The following MED27 variants were observed in gnomAD, a reference collection of about 807,000 sequenced individuals.
MED27 encodes the protein mediator complex subunit 27, also known as mediator of RNA polymerase II transcription subunit 27.
Under a neutral mutation model 38.2 loss-of-function variants are expected in MED27, and 30 were observed. The ratio of observed to expected loss-of-function variants is 0.79; its 90% CI spans 0.59 to 1.07. MED27 has a LOEUF of 1.07. Among genes scored for constraint, MED27 ranks in the 50% least tolerant of loss-of-function variants. MED27 has a pLI of 0.00. For missense variants in MED27, 289 were observed against 397.5 expected, an observed-to-expected ratio of 0.73 and a Z score of 2.32; for synonymous variants, 122 against 153.5, an observed-to-expected ratio of 0.79 and a Z score of 1.52.
chr9:132,064,326 G>A (rs193146971), intron 2 of MED27, among the ~76,000 whole-genome samples: 14 of 152,220 alleles, frequency 9.2e-5, no homozygotes, highest in Non-Finnish European at 1.3e-4. Context: ...ATCGGCCTTC[G>A]GGGATCTAGA....
chr9:131,939,900 CTTTTTTT>C (rs545565196), intron 3 of MED27, among the ~76,000 whole-genome samples: 3 of 136,170 alleles, frequency 2.2e-5, no homozygotes, highest in African/African-American at 5.4e-5. Flanking sequence ...AAATTCCTTC[CTTTTTTT>C]TTTTTTTTTT....
intron 6 of MED27, among the ~76,000 whole-genome samples, chr9:131,878,002 C>T (rs147066766): frequency 4.6e-5 from 7 of 152,170 alleles, no homozygotes; most frequent in East Asian, 3.9e-4. Flanking sequence ...AGGCCGGGCG[C>T]GGTGGCTCAT....
intron 2 of MED27, among the ~76,000 whole-genome samples, chr9:132,017,850 A>C (rs1832638215): frequency 6.6e-6 from 1 of 152,220 alleles, no homozygotes; most frequent in Non-Finnish European, 1.5e-5. Context: ...TACCTGAGAA[A>C]ATTTTAACAA....
chr9:131,971,719 G>A (rs1209012505), intron 3 of MED27, among the ~76,000 whole-genome samples: 4 of 152,108 alleles, frequency 2.6e-5, no homozygotes, highest in East Asian at 1.9e-4. Flanking sequence ...AGTGGGGGGC[G>A]GGGAGGTGAG....
At chr9:131,912,077 C>T (rs1483998644) in intron 4 of MED27, among the ~76,000 whole-genome samples, 1 of 152,196 alleles carries the variant, frequency 6.6e-6, no homozygotes. Flanking sequence ...GGAACTGAGA[C>T]TCTATATTAA....
At chr9:131,902,381 T>C (rs546553887) in intron 4 of MED27, among the ~76,000 whole-genome samples, 3 of 151,910 alleles carry the variant, frequency 2.0e-5, no homozygotes, top group African/African-American at 4.8e-5. Context: ...AACTGTAAAA[T>C]TGGATACAAC....
In MED27 at chr9:132,071,146, G is replaced by A. The variant is rs13300722; in HGVS notation, c.348+6296C>T. 3.2e-3 allele frequency among the ~76,000 whole-genome samples: 488 copies of A among 152,236 alleles called. 1 individual carries two copies. Among genetic ancestry groups the A allele is most frequent in the Non-Finnish European group, 5.0e-3 (341 of 68,016 alleles). ...TTTTGTCCTCATAACACCTTTCTGA[G>A]GTGGGTACAATTATCATTCCCATCT... On this transcript the variant is annotated intron_variant, in intron 2 of 7. Transcript: ENST00000292035.
At chr9:131,993,054 G>A (rs1247274161) in intron 3 of MED27, among the ~76,000 whole-genome samples, 2 of 152,166 alleles carry the variant, frequency 1.3e-5, no homozygotes, top group East Asian at 3.9e-4. Context: ...TCTCACTCCA[G>A]AACCTGTTTG....
At chr9:131,990,796 G>A (rs1428892091) in intron 3 of MED27, among the ~76,000 whole-genome samples, 4 of 152,178 alleles carry the variant, frequency 2.6e-5, no homozygotes, top group South Asian at 2.1e-4. Flanking sequence ...GGAGGACTGC[G>A]GCTCGCAATA....
intron 2 of MED27, among the ~76,000 whole-genome samples, chr9:132,064,145 C>G (rs760024192): frequency 2.6e-5 from 4 of 152,068 alleles, no homozygotes; most frequent in Non-Finnish European, 4.4e-5. Flanking sequence ...TGCAGAATAC[C>G]AAGTGTGACT....
At chr9:131,908,740 G>T (rs1022135484) in intron 4 of MED27, among the ~76,000 whole-genome samples, 3 of 152,058 alleles carry the variant, frequency 2.0e-5, no homozygotes, top group Non-Finnish European at 2.9e-5. Flanking sequence ...CAAACACTGC[G>T]GAAGGCCGCA....
At chr9:132,014,956 A>G (rs1589266975) in intron 2 of MED27, among the ~76,000 whole-genome samples, 1 of 152,198 alleles carries the variant, frequency 6.6e-6, no homozygotes. Flanking sequence ...GTAATTTTTT[A>G]ATAAGAAAAT....
chr9:131,926,932 T>C (rs937232083), intron 4 of MED27, among the ~76,000 whole-genome samples: 1 of 152,238 alleles, frequency 6.6e-6, no homozygotes, highest in Admixed American at 6.5e-5. Flanking sequence ...TTTCTTTTCT[T>C]ACATTTTTCT....
chr9:132,073,689 G>A, intron 2 of MED27: 2 of 1,516,208 alleles, frequency 1.3e-6, no homozygotes, highest in Non-Finnish European at 1.8e-6. Flanking sequence ...CAGGAGGGAG[G>A]AAATGTCTTC....
At chr9:131,891,935 G>C (rs1044871889) in intron 5 of MED27, among the ~76,000 whole-genome samples, 5 of 152,190 alleles carry the variant, frequency 3.3e-5, no homozygotes, top group Non-Finnish European at 1.5e-5. Context: ...AGACCGGCGG[G>C]ATGAAGGGAA....
chr9:132,058,409 A>C (rs1200231156), intron 2 of MED27, among the ~76,000 whole-genome samples: 3 of 152,162 alleles, frequency 2.0e-5, no homozygotes, highest in Admixed American at 6.5e-5. Flanking sequence ...TTCTCGTGAC[A>C]GCGAGTTCAT....
intron 2 of MED27, among the ~76,000 whole-genome samples, chr9:132,039,000 T>C (rs1337982699): frequency 6.6e-6 from 1 of 152,182 alleles, no homozygotes; most frequent in African/African-American, 2.4e-5. Context: ...GACAAGAACA[T>C]GGAGGTCAAC....
intron 3 of MED27, among the ~76,000 whole-genome samples, chr9:131,980,850 C>T (rs1344571780): frequency 1.3e-5 from 2 of 152,110 alleles, no homozygotes; most frequent in African/African-American, 4.8e-5. Context: ...CAGCAGACAG[C>T]AGGCAGCATA....
intron 2 of MED27, among the ~76,000 whole-genome samples, chr9:132,021,827 A>T (rs1056869559): frequency 2.6e-5 from 4 of 152,074 alleles, no homozygotes; most frequent in African/African-American, 9.7e-5. Context: ...AGAGGAAGAG[A>T]TCAGATTTCT....
Sources: gnomAD v4.1 joint callset for allele counts (sites outside exome capture counted in the v4.1 genomes callset) on GRCh38, gnomAD v4.1.1 for gene constraint, MANE v1.5 for transcripts, NCBI Gene and HGNC (gene_info 2026-07-23, HGNC 2026-07-21) for gene names.